The following XPNPEP3 variants were observed in gnomAD, a reference collection of about 807,000 sequenced individuals.
The protein encoded by XPNPEP3 is xaa-Pro aminopeptidase 3.
Under a neutral mutation model 60.0 loss-of-function variants are expected in XPNPEP3, and 41 were observed. The ratio of observed to expected loss-of-function variants is 0.68; its 90% CI spans 0.53 to 0.89. The LOEUF (loss-of-function observed/expected upper bound fraction) is 0.89, where lower values mean the gene tolerates loss of function less well. XPNPEP3 is among the 40% of genes least tolerant of loss of function. The pLI is 0.00. For synonymous variants in XPNPEP3, 212 were observed against 223.2 expected (o/e 0.95, Z 0.45); for missense variants, 598 against 638.9 (o/e 0.94, Z 0.69).
Position 40,881,833 on chromosome 22 carries a change from T to G in XPNPEP3, c.245T>G (p.Leu82Arg). The part of the protein sequence containing the change: ...YALRRHKLMS[L>R]IQKEAQGQSG... ...CTTCGCAGACACAAACTAATGTCTC[T>G]GATCCAGAAGGAAGCTCAAGGGCAG... The change falls in exon 3 of 10, where the codon CTG becomes CGG. Residue 82 changes from leucine (L) to arginine (R), a missense_variant. Transcript: ENST00000357137. The G allele has an allele frequency of 6.2e-7, 1 of 1,614,232 alleles. No homozygotes were observed. The highest frequency in any genetic ancestry group is 8.5e-7 in the Non-Finnish European group (1 of 1,180,044).
chr22:40,928,271 A>C lies in XPNPEP3; in HGVS notation c.*1836A>C, dbSNP rs1187641307. On this transcript the variant is annotated 3_prime_UTR_variant, in exon 10 of 10. Coordinates refer to ENST00000357137, the MANE Select transcript of XPNPEP3 (RefSeq NM_022098.4). ...GGGCTGGATGGAGTGCAGTGGCGTA[A>C]TCTCAGCTCACTACAACCTCCACCA... 4.0e-5 allele frequency: 6 copies of C among 149,712 alleles called. No homozygotes were observed. Among genetic ancestry groups the C allele is most frequent in the African/African-American group, 1.5e-4 (6 of 40,520 alleles). The allele number at this position is 149,712 out of a possible 1,614,324, so 9.3% of individuals were successfully genotyped here.
In XPNPEP3 at chr22:40,921,104, C is replaced by A. The variant is rs543456853; in HGVS notation, c.1056-1229C>A. ...ACCGCGCCCAGCCCCTCATGCAGTT[C>A]TTTTTGGTGTGGAGTGGACCTCCTC... On this transcript the variant is annotated intron_variant, in intron 7 of 9. Transcript: ENST00000357137. 5.3e-5 allele frequency among the ~76,000 whole-genome samples: 8 copies of A among 150,226 alleles called. No individual in the cohort carries two copies. The East Asian group carries it at 1.2e-3, about 22-fold the overall frequency.
At chr22:40,868,962 C>G (rs747325228) in intron 1 of XPNPEP3, 37 bp from the exon 2 acceptor site, 7 of 1,530,018 alleles carry the variant, frequency 4.6e-6, no homozygotes, top group Non-Finnish European at 5.4e-6. Context: ...CTTTCTAGAT[C>G]TATTGTTTCA....
At chr22:40,864,531 T>C (rs2057967877) in intron 1 of XPNPEP3, among the ~76,000 whole-genome samples, 1 of 152,122 alleles carries the variant, frequency 6.6e-6, no homozygotes, top group South Asian at 2.1e-4. Flanking sequence ...CTGCAACATC[T>C]ACCTCCCGGG....
intron 1 of XPNPEP3, among the ~76,000 whole-genome samples, chr22:40,858,522 CTTTTTT>C (rs34319696): frequency 2.3e-5 from 2 of 85,472 alleles, no homozygotes; most frequent in Non-Finnish European, 4.3e-5. Flanking sequence ...GCTGGAGAAG[CTTTTTT>C]TTTTTTTTTT....
At chr22:40,859,234 T>C (rs1437296956) in intron 1 of XPNPEP3, among the ~76,000 whole-genome samples, 2 of 152,290 alleles carry the variant, frequency 1.3e-5, no homozygotes, top group Middle Eastern at 3.4e-3. Context: ...GGAAATCAAG[T>C]TGGGAAAAAA....
intron 5 of XPNPEP3, among the ~76,000 whole-genome samples, chr22:40,908,759 C>A (rs555735405): frequency 1.3e-5 from 2 of 152,112 alleles, no homozygotes; most frequent in East Asian, 3.8e-4. Flanking sequence ...CAAATAGTAA[C>A]CCTTACATGA....
chr22:40,905,222 G>GGC (rs2058149971), intron 4 of XPNPEP3, among the ~76,000 whole-genome samples: 1 of 151,850 alleles, frequency 6.6e-6, no homozygotes, highest in Non-Finnish European at 1.5e-5. Context: ...TAGGACCACA[G>GGC]GCGCGTACCA....
At position 40,928,797 on chromosome 22, in the gene XPNPEP3, A is replaced by C. The variant is rs1055814141; in HGVS notation, c.*2362A>C. 6.6e-6 allele frequency: 1 copy of C among 152,224 alleles called. No homozygotes were observed. Among genetic ancestry groups the C allele is most frequent in the Non-Finnish European group, 1.5e-5 (1 of 68,042 alleles). The allele number at this position is 152,224 out of a possible 1,614,324, so 9.4% of individuals were successfully genotyped here. On this transcript the variant is annotated 3_prime_UTR_variant, in exon 10 of 10. Transcript: ENST00000357137. ...TCTCTGTAATGCTGGAAGTTTGCCT[A>C]TCTTATCAGGGAAACCCAGGGTACA...
chr22:40,879,717 C>T (rs2058040171), intron 2 of XPNPEP3, among the ~76,000 whole-genome samples: 1 of 152,066 alleles, frequency 6.6e-6, no homozygotes, highest in South Asian at 2.1e-4. Context: ...TGGTACACAC[C>T]TGTAATACTA....
At chr22:40,889,615 C>T (rs1446723902) in intron 4 of XPNPEP3, among the ~76,000 whole-genome samples, 1 of 152,082 alleles carries the variant, frequency 6.6e-6, no homozygotes, top group East Asian at 1.9e-4. Flanking sequence ...CGTGAGGCAG[C>T]GAGGAGTTAG....
chr22:40,922,229 C>G (rs1279037041), intron 7 of XPNPEP3, 104 bp from the exon 8 acceptor site: 1 of 1,382,700 alleles, frequency 7.2e-7, no homozygotes, highest in Admixed American at 1.8e-5. Flanking sequence ...CAACAGTGCC[C>G]CAGCAACAGC....
intron 5 of XPNPEP3, among the ~76,000 whole-genome samples, chr22:40,908,356 T>C (rs770394969): frequency 6.6e-6 from 1 of 152,008 alleles, no homozygotes; most frequent in Non-Finnish European, 1.5e-5. Flanking sequence ...CTCATCACTA[T>C]AAAAATAAAA....
Position 40,932,683 on chromosome 22 carries a change from T to C in XPNPEP3, c.*6248T>C, listed in dbSNP as rs1272140102. 1 of 152,202 alleles carries C rather than the reference T, an allele frequency of 6.6e-6. No individual in the cohort carries two copies. The highest frequency in any genetic ancestry group is 1.9e-4 in the East Asian group (1 of 5,206). The allele number at this position is 152,202 out of a possible 1,614,324, so 9.4% of individuals were successfully genotyped here. ...GCTTTCCATGACTTTTGTGCAATTATATAAGTTCAGTTTAGACAAAATGCT... is the reference window on the plus strand; with the variant it reads ...GCTTTCCATGACTTTTGTGCAATTACATAAGTTCAGTTTAGACAAAATGCT... On this transcript the variant is annotated 3_prime_UTR_variant, in exon 10 of 10. Coordinates refer to ENST00000357137, the MANE Select transcript of XPNPEP3 (RefSeq NM_022098.4).
At chr22:40,921,863 C>G (rs2146280416) in intron 7 of XPNPEP3, among the ~76,000 whole-genome samples, 1 of 152,070 alleles carries the variant, frequency 6.6e-6, no homozygotes, top group Middle Eastern at 3.4e-3. Flanking sequence ...GCTAAAGAAA[C>G]TGTTATTCTA....
At chr22:40,870,662 G>C (rs2058000550) in intron 2 of XPNPEP3, among the ~76,000 whole-genome samples, 1 of 152,158 alleles carries the variant, frequency 6.6e-6, no homozygotes, top group Non-Finnish European at 1.5e-5. Flanking sequence ...TCTCCTTCCA[G>C]AGATGCAAAA....
chr22:40,879,020 T>C (rs2058037608), intron 2 of XPNPEP3, among the ~76,000 whole-genome samples: 1 of 152,234 alleles, frequency 6.6e-6, no homozygotes, highest in Non-Finnish European at 1.5e-5. Flanking sequence ...GCCTCTGCTT[T>C]TGTAAGAGTA....
rs2058248797 is a variant in XPNPEP3 at position 40,929,945 on chromosome 22, A to G, written c.*3510A>G. On this transcript the variant is annotated 3_prime_UTR_variant, in exon 10 of 10. Coordinates refer to ENST00000357137, the MANE Select transcript of XPNPEP3 (RefSeq NM_022098.4). ...ATATTTCTTAAAATTCTTAAAATTTAGGTTAAAGTTTGCTGGTCTCTTACA... is the reference window on the plus strand; with the variant it reads ...ATATTTCTTAAAATTCTTAAAATTTGGGTTAAAGTTTGCTGGTCTCTTACA... 1 of 152,166 alleles carries G rather than the reference A, an allele frequency of 6.6e-6. No homozygotes were observed. Among genetic ancestry groups the G allele is most frequent in the South Asian group, 2.1e-4 (1 of 4,834 alleles). 9.4% of individuals were successfully genotyped at this position (152,166 alleles called of 1,614,324 possible). A position where few individuals can be genotyped will look rare whatever the true frequency, so the allele number is the denominator to read the frequency against.
chr22:40,868,996 C>G lies in XPNPEP3; in HGVS notation c.65-3C>G. ...CATTTCATTCTCTTTATTCTTCATTCAGGATGTATGTTGTGTTCACAGCGA... is the reference window on the plus strand; with the variant it reads ...CATTTCATTCTCTTTATTCTTCATTGAGGATGTATGTTGTGTTCACAGCGA... On this transcript the variant is annotated splice_region_variant and splice_polypyrimidine_tract_variant and intron_variant, in intron 1 of 9. Coordinates refer to ENST00000357137, the MANE Select transcript of XPNPEP3 (RefSeq NM_022098.4). The G allele has an allele frequency of 6.2e-7, 1 of 1,607,220 alleles. No homozygotes were observed. The highest frequency in any genetic ancestry group is 8.5e-7 in the Non-Finnish European group (1 of 1,173,792).
Sources: allele counts gnomAD v4.1 joint callset (sites outside exome capture counted in the v4.1 genomes callset), GRCh38; gene constraint gnomAD v4.1.1; transcripts MANE v1.5; gene names NCBI Gene and HGNC (gene_info 2026-07-23, HGNC 2026-07-21).